PTPRD: variants seen among roughly 807,000 people sequenced by gnomAD.
PTPRD encodes the protein receptor-type tyrosine-protein phosphatase delta.
A neutral mutation model predicts 214.5 loss-of-function variants in PTPRD; 34 were observed. The ratio of observed to expected loss-of-function variants is 0.16; its 90% confidence interval spans 0.12 to 0.21. The LOEUF is 0.21. Among genes scored for constraint, PTPRD ranks in the 10% least tolerant of loss-of-function variants. The probability of loss-of-function intolerance (pLI) is 1.00; values close to 1 mark genes in which losing one functional copy is unlikely to be tolerated. For missense variants in PTPRD, 2,545 were observed against 2,398.7 expected (o/e 1.06, Z -1.27); for synonymous variants, 1,128 against 845.7 (o/e 1.33, Z -5.79).
intron 10 of PTPRD, chr9:9,090,928 G>T: frequency 6.5e-7 from 1 of 1,542,586 alleles, no homozygotes. Context: ...CAATGGTCGT[G>T]CCAAAAAGGG....
At chr9:9,940,322 A>G (rs1397430647) in intron 4 of PTPRD, among the ~76,000 whole-genome samples, 2 of 152,116 alleles carry the variant, frequency 1.3e-5, no homozygotes, top group Non-Finnish European at 2.9e-5. Context: ...TCTTGACTAG[A>G]CTACCTATGG....
chr9:9,825,674 T>C (rs2153586341), intron 5 of PTPRD, among the ~76,000 whole-genome samples: 1 of 152,018 alleles, frequency 6.6e-6, no homozygotes, highest in Middle Eastern at 3.4e-3. Flanking sequence ...AACGATGGAG[T>C]ACAATGATAA....
At chr9:9,252,308 G>C (rs1397226736) in intron 9 of PTPRD, among the ~76,000 whole-genome samples, 1 of 152,054 alleles carries the variant, frequency 6.6e-6, no homozygotes, top group Non-Finnish European at 1.5e-5. Context: ...ATCAGGAAGA[G>C]AAGAACGAGT....
At chr9:9,869,505 A>T (rs1011191061) in intron 5 of PTPRD, among the ~76,000 whole-genome samples, 7 of 152,098 alleles carry the variant, frequency 4.6e-5, no homozygotes, top group African/African-American at 1.4e-4. Context: ...AACGTTCCAC[A>T]TGCTGGATTT....
intron 27 of PTPRD, among the ~76,000 whole-genome samples, chr9:8,491,658 TAAA>T (rs922847603): frequency 1.8e-5 from 2 of 113,508 alleles, no homozygotes; most frequent in Middle Eastern, 4.5e-3. Flanking sequence ...CAATGGTATT[TAAA>T]AAAAAAAAAA....
intron 2 of PTPRD, among the ~76,000 whole-genome samples, chr9:10,487,987 T>TCTCTCTCTC (rs2099144009): frequency 6.7e-6 from 1 of 150,158 alleles, no homozygotes; most frequent in Non-Finnish European, 1.5e-5. Context: ...TCTCTCTCTC[T>TCTCTCTCTC]CTCTCTCTCT....
At chr9:9,671,442 GAGTTA>G (rs2096830671) in intron 7 of PTPRD, among the ~76,000 whole-genome samples, 1 of 89,076 alleles carries the variant, frequency 1.1e-5, no homozygotes, top group South Asian at 2.9e-4. Context: ...ATGCTGAAAT[GAGTTA>G]AGTCTTTGGG....
intron 12 of PTPRD, among the ~76,000 whole-genome samples, chr9:8,651,930 C>A (rs118103189): frequency 6.6e-6 from 1 of 152,186 alleles, no homozygotes. Flanking sequence ...AATATCAAGT[C>A]CCTAATTTGT....
At chr9:9,139,992 A>G (rs1218272081) in intron 10 of PTPRD, among the ~76,000 whole-genome samples, 1 of 152,128 alleles carries the variant, frequency 6.6e-6, no homozygotes, top group East Asian at 1.9e-4. Flanking sequence ...GTATAATTGT[A>G]TATATACCTC....
chr9:8,924,812 C>A (rs2098857780), intron 11 of PTPRD, among the ~76,000 whole-genome samples: 1 of 152,108 alleles, frequency 6.6e-6, no homozygotes, highest in Non-Finnish European at 1.5e-5. Flanking sequence ...ACATATATTT[C>A]TTGGAATATT....
At chr9:9,596,719 G>C (rs2093380653) in intron 7 of PTPRD, among the ~76,000 whole-genome samples, 1 of 151,956 alleles carries the variant, frequency 6.6e-6, no homozygotes, top group South Asian at 2.1e-4. Flanking sequence ...GGTATCTAAA[G>C]TACCTAATAG....
chr9:8,633,529 C>T (rs1266400088), intron 13 of PTPRD, 71 bp from the exon 14 acceptor site: 1 of 1,544,806 alleles, frequency 6.5e-7, no homozygotes, highest in Non-Finnish European at 8.8e-7. Flanking sequence ...GCTCTCAATA[C>T]AGTGGTGGAT....
intron 8 of PTPRD, among the ~76,000 whole-genome samples, chr9:9,484,209 C>CAA (rs34170734): frequency 2.0e-5 from 3 of 147,276 alleles, no homozygotes; most frequent in Non-Finnish European, 4.5e-5. Flanking sequence ...TACTATACAG[C>CAA]AAAAAAAAAA....
intron 12 of PTPRD, among the ~76,000 whole-genome samples, chr9:8,714,583 C>T (rs1482634620): frequency 2.0e-5 from 3 of 152,150 alleles, no homozygotes; most frequent in East Asian, 1.9e-4. Flanking sequence ...CATTCATTCC[C>T]CTTGCTATTC....
intron 6 of PTPRD, among the ~76,000 whole-genome samples, chr9:9,758,184 C>CT (rs34736489): frequency 0.28 from 40,319 of 143,992 alleles, 6,251 homozygotes; most frequent in South Asian, 0.42. Flanking sequence ...CCTTAGCAGA[C>CT]TTTTTTTTTT....
intron 12 of PTPRD, among the ~76,000 whole-genome samples, chr9:8,732,207 C>T (rs887133809): frequency 6.6e-6 from 1 of 152,202 alleles, no homozygotes; most frequent in Non-Finnish European, 1.5e-5. Context: ...TGCCACTTTT[C>T]ACCAGAGAAT....
At chr9:8,857,184 A>G (rs75990532) in intron 11 of PTPRD, among the ~76,000 whole-genome samples, 2,286 of 152,046 alleles carry the variant, frequency 0.015, 45 homozygotes, top group African/African-American at 0.053. Flanking sequence ...ACTAGTTCAG[A>G]GGAAAGAAAG....
At chr9:9,876,234 C>T (rs1171919800) in intron 5 of PTPRD, among the ~76,000 whole-genome samples, 3 of 152,056 alleles carry the variant, frequency 2.0e-5, no homozygotes, top group Non-Finnish European at 4.4e-5. Flanking sequence ...CTTAGTTGTA[C>T]ACAATCAGAT....
At chr9:9,909,897 T>C (rs2078703624) in intron 5 of PTPRD, among the ~76,000 whole-genome samples, 1 of 151,956 alleles carries the variant, frequency 6.6e-6, no homozygotes, top group Admixed American at 6.6e-5. Context: ...TTCTTTATAG[T>C]AAAGTAATAC....
Sources: allele counts gnomAD v4.1 joint callset (sites outside exome capture counted in the v4.1 genomes callset), GRCh38; gene constraint gnomAD v4.1.1; transcripts MANE v1.5; gene names NCBI Gene and HGNC (gene_info 2026-07-23, HGNC 2026-07-21).